ZFX: variants seen among roughly 807,000 people sequenced by gnomAD.
ZFX encodes zinc finger X-chromosomal protein.
For synonymous variants in ZFX, 196 were observed against 226.8 expected, an observed-to-expected ratio of 0.86 and a Z score of 1.22; for missense variants, 362 against 628.3, an observed-to-expected ratio of 0.58 and a Z score of 4.53.
chrX:24,191,483 A>G (rs756160542), intron 5 of ZFX, among the ~76,000 whole-genome samples: 22 of 111,683 alleles, frequency 2.0e-4, no homozygotes, highest in Non-Finnish European at 3.6e-4. Flanking sequence ...CTACTAAAGC[A>G]TTTGCCTTCT....
intron 5 of ZFX, among the ~76,000 whole-genome samples, chrX:24,185,890 C>T (rs1054249288): frequency 5.5e-5 from 6 of 109,748 alleles, no homozygotes; most frequent in Non-Finnish European, 1.1e-4. Flanking sequence ...CCCTTGATTG[C>T]GCCACTGTAC....
intron 5 of ZFX, among the ~76,000 whole-genome samples, chrX:24,189,416 G>T (rs984822996): frequency 8.9e-6 from 1 of 112,096 alleles, no homozygotes; most frequent in Non-Finnish European, 1.9e-5. Context: ...TGGCCATCTA[G>T]TTTAGGTATT....
At position 24,207,356 on chromosome X, in the gene ZFX, G is replaced by T; in HGVS notation, c.677G>T (p.Gly226Val). 1 of 1,209,363 alleles carries T rather than the reference G, an allele frequency of 8.3e-7. No individual in the cohort carries two copies. Among genetic ancestry groups the T allele is most frequent in the Non-Finnish European group, 1.1e-6 (1 of 894,859 alleles). The change falls in exon 6 of 10, where the codon GGT (glycine) becomes GTT (valine). Residue 226 changes from glycine (G) to valine (V), a missense_variant. Transcript: ENST00000304543. The stretch of plus-strand genomic sequence containing the variant: ...GATGCTGGCAAAATAGAACACGATG[G>T]TTCTTCTGGAATGACCATGGACACA... ...LDDAGKIEHD[G>V]SSGMTMDTES...
chrX:24,191,858 C>G (rs1207255034), intron 5 of ZFX, among the ~76,000 whole-genome samples: 2 of 110,641 alleles, frequency 1.8e-5, no homozygotes, highest in Non-Finnish European at 1.9e-5. Context: ...CGCTACCACA[C>G]CCAGCTAATT....
chrX:24,178,834 C>T (rs1360937579), intron 4 of ZFX, among the ~76,000 whole-genome samples: 1 of 111,881 alleles, frequency 8.9e-6, no homozygotes, highest in Non-Finnish European at 1.9e-5. Flanking sequence ...CCCACCTTGG[C>T]TTCCCAAAGT....
chrX:24,198,593 A>G (rs570259712), intron 5 of ZFX, among the ~76,000 whole-genome samples: 3 of 109,774 alleles, frequency 2.7e-5, no homozygotes, highest in Non-Finnish European at 5.7e-5. Flanking sequence ...TGCTTACTCT[A>G]TATGCTGGGC....
chrX:24,176,336 G>C (rs1183746466), intron 4 of ZFX, among the ~76,000 whole-genome samples: 1 of 109,587 alleles, frequency 9.1e-6, no homozygotes, highest in African/African-American at 3.3e-5. Flanking sequence ...ACCGTTCCCA[G>C]CCTAAAGTGA....
At position 24,209,051 on chromosome X, in the gene ZFX, A is replaced by T. The variant is rs1196388229; in HGVS notation, c.1234+11A>T. On this transcript the variant is annotated intron_variant, in intron 9 of 9. Coordinates refer to ENST00000304543, the MANE Select transcript of ZFX (RefSeq NM_003410.4). ...GGCAGTACCAAACAGGTGAGGGCGC[A>T]CGAGTTCCATGGCGCAGCGTGCTCT... 5.8e-6 allele frequency: 7 copies of T among 1,211,956 alleles called. No individual in the cohort carries two copies. In the South Asian group the frequency reaches 1.2e-4, roughly 21 times the overall value.
Position 24,182,889 on chromosome X carries a change from T to C in ZFX, c.646+3119T>C, listed in dbSNP as rs114061752. Among the ~76,000 whole-genome samples the C allele has an allele frequency of 6.1e-3, 678 of 111,272 alleles. 3 individuals carry two copies. The highest frequency in any genetic ancestry group is 0.021 in the African/African-American group (646 of 30,579). ...CTGCAGGAGATGGCTGTTAGGTAAG[T>C]CCTGGAGAGGGAAAGTGAGTCCCCT... is the stretch of plus-strand genomic sequence containing the variant. On this transcript the variant is annotated intron_variant, in intron 5 of 9. Coordinates refer to ENST00000304543, the MANE Select transcript of ZFX (RefSeq NM_003410.4).
At chrX:24,181,007 T>C (rs1274268501) in intron 5 of ZFX, among the ~76,000 whole-genome samples, 1 of 112,454 alleles carries the variant, frequency 8.9e-6, no homozygotes, top group Non-Finnish European at 1.9e-5. Flanking sequence ...GAAATTCTTA[T>C]GCCTTAAGGA....
At chrX:24,150,116 G>C (rs1168639889) in intron 1 of ZFX, 3 of 104,171 alleles carry the variant, frequency 2.9e-5, no homozygotes, top group Non-Finnish European at 6.0e-5. Flanking sequence ...AGGAGGCGAA[G>C]GCTGCAGGCG....
At chrX:24,205,918 T>C (rs945585630) in intron 5 of ZFX, among the ~76,000 whole-genome samples, 2 of 111,776 alleles carry the variant, frequency 1.8e-5, no homozygotes, top group African/African-American at 3.2e-5. Context: ...CCTGAGTCTC[T>C]ACTATTGGAA....
chrX:24,190,334 G>T lies in ZFX; in HGVS notation c.646+10564G>T, dbSNP rs182813071. Among the ~76,000 whole-genome samples the T allele has an allele frequency of 2.7e-5, 3 of 111,852 alleles. No individual in the cohort carries two copies. The Admixed American group carries it at 2.9e-4, about 11-fold the overall frequency. On this transcript the variant is annotated intron_variant, in intron 5 of 9. Transcript: ENST00000304543. ...TTTTTCAGATAAAATTCGAAAAGTG[G>T]TTATTTTAATCCATCTAAAATTGTA...
intron 9 of ZFX, among the ~76,000 whole-genome samples, chrX:24,209,657 C>T (rs1421125734): frequency 9.0e-6 from 1 of 111,196 alleles, no homozygotes; most frequent in African/African-American, 3.3e-5. Flanking sequence ...CACACTGCAA[C>T]CTCTGCCCCC....
intron 3 of ZFX, among the ~76,000 whole-genome samples, chrX:24,159,334 A>C (rs1457718052): frequency 1.8e-5 from 2 of 112,436 alleles, no homozygotes; most frequent in African/African-American, 6.5e-5. Flanking sequence ...GGATATTCGC[A>C]TATCTTTGTT....
At chrX:24,156,382 A>T (rs765193058) in intron 3 of ZFX, among the ~76,000 whole-genome samples, 54 of 110,912 alleles carry the variant, frequency 4.9e-4, no homozygotes, top group African/African-American at 1.8e-3. Flanking sequence ...TGTCTTCAAT[A>T]CATTCTTCCC....
At chrX:24,168,671 C>CTTTTTTTTTTTTT (rs141296315) in intron 3 of ZFX, among the ~76,000 whole-genome samples, 24 of 83,231 alleles carry the variant, frequency 2.9e-4, no homozygotes, top group Non-Finnish European at 4.1e-4. Flanking sequence ...TTCTTTCTTT[C>CTTTTTTTTTTTTT]TTTTTTTTTT....
At chrX:24,157,381 A>G (rs1601794792) in intron 3 of ZFX, among the ~76,000 whole-genome samples, 3 of 111,882 alleles carry the variant, frequency 2.7e-5, no homozygotes. Flanking sequence ...TTTCCCCCCT[A>G]CATCTTCACA....
At chrX:24,149,696 C>T (rs1300458861), upstream of ZFX, 3 of 110,944 alleles carry the variant, frequency 2.7e-5, no homozygotes, top group Non-Finnish European at 3.8e-5. Flanking sequence ...CTCCTCCCTC[C>T]CTCCGCCCGC....
Sources: gnomAD v4.1 joint callset for allele counts (sites outside exome capture counted in the v4.1 genomes callset) on GRCh38, gnomAD v4.1.1 for gene constraint, MANE v1.5 for transcripts, NCBI Gene and HGNC (gene_info 2026-07-23, HGNC 2026-07-21) for gene names.